The following NPIPB15 variants were observed in gnomAD, a reference collection of about 807,000 sequenced individuals.
The protein encoded by NPIPB15 is nuclear pore complex-interacting protein family member B15.
NPIPB15 carries 5 observed loss-of-function variants against 35.9 expected under a neutral mutation model. The ratio of observed to expected loss-of-function variants is 0.14; its 90% CI spans 0.07 to 0.29. The LOEUF (loss-of-function observed/expected upper bound fraction) is 0.29. Ranked by LOEUF, NPIPB15 falls within the 10% of genes least tolerant of loss-of-function variation. The probability of loss-of-function intolerance (pLI) is 1.00; values close to 1 mark genes in which losing one functional copy is unlikely to be tolerated. For synonymous variants in NPIPB15, 43 were observed against 182.0 expected (o/e 0.24, Z 6.15); for missense variants, 100 against 506.1 (o/e 0.20, Z 7.70).
chr16:74,389,662 G>A (rs1230435721), intron 5 of NPIPB15, among the ~76,000 whole-genome samples, 163 bp from the exon 6 acceptor site: 29 of 105,776 alleles, frequency 2.7e-4, no homozygotes, highest in African/African-American at 7.6e-4. Context: ...ATCAGCCACC[G>A]TGACCGGCTC....
At chr16:74,385,177 C>T (rs1597156674) in intron 3 of NPIPB15, among the ~76,000 whole-genome samples, 165 bp from the exon 4 acceptor site, 2 of 148,360 alleles carry the variant, frequency 1.3e-5, no homozygotes, top group East Asian at 2.2e-4. Flanking sequence ...CCATGCCTGG[C>T]TAATTTTTGT....
rs2011689528 is a variant in NPIPB15 at position 74,376,946 on chromosome 16, C to T, written c.-423C>T. The stretch of plus-strand genomic sequence containing the variant: ...GCACAGTTATATGATCAGAAACATG[C>T]TGTGTGATTTGATTGCTCTCAAATA... On this transcript the variant is annotated 5_prime_UTR_variant, in exon 1 of 8. Coordinates refer to ENST00000692376, the MANE Select transcript of NPIPB15 (RefSeq NM_001306094.2). Among the ~76,000 whole-genome samples, 1 of 145,926 alleles carries T rather than the reference C, an allele frequency of 6.9e-6. No homozygotes were observed. Among genetic ancestry groups the T allele is most frequent in the African/African-American group, 2.5e-5 (1 of 39,364 alleles).
intron 3 of NPIPB15, among the ~76,000 whole-genome samples, chr16:74,382,906 CTTTTTTT>C (rs1207851456): frequency 1.7e-5 from 2 of 115,916 alleles, no homozygotes; most frequent in South Asian, 3.1e-4. Flanking sequence ...TTGGAGGAAG[CTTTTTTT>C]TTTTTTTTTT....
At chr16:74,379,190 G>C (rs979013967) in intron 2 of NPIPB15, among the ~76,000 whole-genome samples, 2 of 152,188 alleles carry the variant, frequency 1.3e-5, no homozygotes, top group Non-Finnish European at 2.9e-5. Context: ...GCTTATTCTG[G>C]AATTTCGCGT....
Position 74,391,765 on chromosome 16 carries a change from T to C in NPIPB15, c.1017T>C (p.Asn339=). The part of the protein sequence containing the change: ...PSPLPPSVDD[N]LKTPPLATQE... ...CTCTTCCACCCTCAGTGGATGATAATCTCAAGACTCCTCCCTTAGCTACTC... is the reference window on the plus strand; with the variant it reads ...CTCTTCCACCCTCAGTGGATGATAACCTCAAGACTCCTCCCTTAGCTACTC... The change falls in exon 8 of 8, where the codon AAT becomes AAC. Residue 339 remains asparagine, a synonymous_variant. Coordinates refer to ENST00000692376, the MANE Select transcript of NPIPB15 (RefSeq NM_001306094.2). 6.2e-7 allele frequency: 1 copy of C among 1,613,988 alleles called. No individual in the cohort carries two copies.
In NPIPB15 at chr16:74,391,794, A is replaced by G. The variant is rs763277336; in HGVS notation, c.1046A>G (p.Glu349Gly). The stretch of plus-strand genomic sequence containing the variant: ...AAGACTCCTCCCTTAGCTACTCAGG[A>G]GGCCGAGGCGGAAAAACCACCCAAA... The part of the protein sequence containing the change: ...NLKTPPLATQ[E>G]AEAEKPPKPK... The change falls in exon 8 of 8, where the codon GAG becomes GGG. Residue 349 changes from glutamate (E) to glycine (G), a missense_variant. Coordinates refer to ENST00000692376, the MANE Select transcript of NPIPB15 (RefSeq NM_001306094.2). 1 of 1,612,720 alleles carries G rather than the reference A, an allele frequency of 6.2e-7. No individual in the cohort carries two copies. The highest frequency in any genetic ancestry group is 2.2e-5 in the East Asian group (1 of 44,846).
intron 2 of NPIPB15, among the ~76,000 whole-genome samples, chr16:74,379,107 A>C (rs1347133711): frequency 1.3e-5 from 2 of 152,244 alleles, no homozygotes; most frequent in Non-Finnish European, 2.9e-5. Flanking sequence ...GCCAAGATCT[A>C]CACTATTATG....
chr16:74,384,741 G>T (rs1443215537), intron 3 of NPIPB15, among the ~76,000 whole-genome samples: 1 of 131,400 alleles, frequency 7.6e-6, no homozygotes, highest in African/African-American at 3.0e-5. Context: ...GAGTGCAATG[G>T]CACAATCTCA....
chr16:74,377,635 G>C (rs565682325), intron 1 of NPIPB15, among the ~76,000 whole-genome samples: 58 of 151,974 alleles, frequency 3.8e-4, no homozygotes, highest in African/African-American at 1.4e-3. Context: ...GATCTTCTCC[G>C]TGACCTGTAG....
intron 3 of NPIPB15, among the ~76,000 whole-genome samples, chr16:74,382,444 AGT>A (rs1218526281): frequency 1.3e-5 from 2 of 151,784 alleles, no homozygotes; most frequent in Non-Finnish European, 1.5e-5. Flanking sequence ...ATCAATGAAA[AGT>A]GTGTCTGGGC....
chr16:74,384,831 A>G (rs1259615059), intron 3 of NPIPB15, among the ~76,000 whole-genome samples: 2 of 151,030 alleles, frequency 1.3e-5, no homozygotes, highest in African/African-American at 4.9e-5. Flanking sequence ...ACAGGCATGC[A>G]CCACCATGCC....
At chr16:74,378,972 G>T (rs2011834283) in intron 2 of NPIPB15, among the ~76,000 whole-genome samples, 1 of 151,950 alleles carries the variant, frequency 6.6e-6, no homozygotes, top group Non-Finnish European at 1.5e-5. Flanking sequence ...AGCTAATTTT[G>T]TATTTTTAGT....
At chr16:74,379,017 T>C (rs28612525) in intron 2 of NPIPB15, among the ~76,000 whole-genome samples, 1 of 152,126 alleles carries the variant, frequency 6.6e-6, no homozygotes, top group Non-Finnish European at 1.5e-5. Context: ...TCAGGCTGGT[T>C]TTGAACTCCC....
intron 1 of NPIPB15, 88 bp from the exon 2 acceptor site, chr16:74,377,864 C>G: frequency 2.5e-6 from 1 of 392,822 alleles, no homozygotes; most frequent in Non-Finnish European, 3.8e-6. Context: ...CTCCCCTCCC[C>G]CTCCCCAACT....
At chr16:74,377,515 A>G (rs1283093065) in intron 1 of NPIPB15, among the ~76,000 whole-genome samples, 169 bp downstream of exon 1, 1 of 152,116 alleles carries the variant, frequency 6.6e-6, no homozygotes, top group Non-Finnish European at 1.5e-5. Context: ...AGGGTTGCTA[A>G]GGGAGGGCCC....
chr16:74,381,035 C>T (rs1004100964), intron 2 of NPIPB15, among the ~76,000 whole-genome samples: 8 of 144,102 alleles, frequency 5.6e-5, no homozygotes, highest in Non-Finnish European at 1.2e-4. Context: ...CTCAGCTACT[C>T]GGGAGGCTGA....
In NPIPB15 at chr16:74,391,393, C is replaced by T. The variant is rs2012529189; in HGVS notation, c.645C>T (p.Val215=). 6.2e-7 allele frequency: 1 copy of T among 1,603,622 alleles called. No individual in the cohort carries two copies. Among genetic ancestry groups the T allele is most frequent in the Non-Finnish European group, 8.5e-7 (1 of 1,179,728 alleles). Residue 215 remains valine, a splice_region_variant and synonymous_variant, in exon 8 of 8, where the codon GTC becomes GTT. Coordinates refer to ENST00000692376, the MANE Select transcript of NPIPB15 (RefSeq NM_001306094.2). ...PSARKPLCNW[V]RMAAAEHRHS... is the part of the protein sequence containing the mutation. Reference sequence around the variant, plus strand: ...CATTCCCTCCTTTGGCCCTACAGGTCAGAATGGCGGCAGCGGAGCATCGTC... The same window carrying T: ...CATTCCCTCCTTTGGCCCTACAGGTTAGAATGGCGGCAGCGGAGCATCGTC...
chr16:74,377,690 C>G (rs1356315593), intron 1 of NPIPB15, among the ~76,000 whole-genome samples: 1 of 151,272 alleles, frequency 6.6e-6, no homozygotes, highest in Non-Finnish European at 1.5e-5. Context: ...GAACCGGATC[C>G]TTTCCCAGAC....
rs1359319208 is a variant in NPIPB15 at position 74,386,269 on chromosome 16, G to A, written c.545+520G>A. The stretch of plus-strand genomic sequence containing the variant: ...CAAAGTGCTGGGATTAGAGGTGTGA[G>A]CCACCACACCCAGCCTTTTTTTTTT... On this transcript the variant is annotated intron_variant, in intron 5 of 7. Transcript: ENST00000692376. Among the ~76,000 whole-genome samples, 8 of 129,676 alleles carry A rather than the reference G, an allele frequency of 6.2e-5. No individual in the cohort carries two copies. The East Asian group carries it at 2.3e-3, about 37-fold the overall frequency. 85.1% of individuals were successfully genotyped at this position (129,676 alleles called of 152,430 possible). A position where few individuals can be genotyped will look rare whatever the true frequency, so the allele number is the denominator to read the frequency against.
Sources: gnomAD v4.1 joint callset for allele counts (sites outside exome capture counted in the v4.1 genomes callset) on GRCh38, gnomAD v4.1.1 for gene constraint, MANE v1.5 for transcripts, NCBI Gene and HGNC (gene_info 2026-07-23, HGNC 2026-07-21) for gene names.